DACH2: variants seen among roughly 807,000 people sequenced by gnomAD.
DACH2 encodes the protein dachshund family transcription factor 2.
DACH2 carries 17 observed loss-of-function variants against 35.8 expected under a neutral mutation model. The ratio of observed to expected loss-of-function variants is 0.48; its 90% CI spans 0.33 to 0.71. The LOEUF is 0.71. Ranked by LOEUF, DACH2 falls within the 30% of genes least tolerant of loss-of-function variation. The probability of loss-of-function intolerance (pLI) is 0.02; values close to 1 mark genes in which losing one functional copy is unlikely to be tolerated. For synonymous variants in DACH2, 195 were observed against 177.3 expected, an observed-to-expected ratio of 1.10 and a Z score of -0.79; for missense variants, 469 against 472.7, an observed-to-expected ratio of 0.99 and a Z score of 0.07.
chrX:86,414,373 C>T (rs941517947), intron 2 of DACH2, among the ~76,000 whole-genome samples: 3 of 111,673 alleles, frequency 2.7e-5, no homozygotes, highest in Admixed American at 1.9e-4. Flanking sequence ...CCTCTGCTGT[C>T]CATTATGGTT....
chrX:86,426,912 C>G (rs1479360274), intron 2 of DACH2, among the ~76,000 whole-genome samples: 1 of 112,284 alleles, frequency 8.9e-6, no homozygotes, highest in African/African-American at 3.2e-5. Flanking sequence ...TTAAAACCCT[C>G]TAGAAAAGCT....
chrX:86,782,309 A>G (rs1297649211), intron 7 of DACH2, among the ~76,000 whole-genome samples: 1 of 111,980 alleles, frequency 8.9e-6, no homozygotes, highest in African/African-American at 3.2e-5. Flanking sequence ...AATACCAATG[A>G]CATTGTTCAC....
At chrX:86,606,297 G>GT (rs762788401) in intron 3 of DACH2, among the ~76,000 whole-genome samples, 18,833 of 101,917 alleles carry the variant, frequency 0.18, 1,413 homozygotes, top group South Asian at 0.35. Context: ...TTTATTTGAA[G>GT]TTTTTTTTTT....
intron 7 of DACH2, among the ~76,000 whole-genome samples, chrX:86,740,509 C>G (rs1346046472): frequency 1.3e-5 from 1 of 74,228 alleles, no homozygotes; most frequent in African/African-American, 5.0e-5. Flanking sequence ...CCCCCTCCCC[C>G]CACCCCACAA....
rs1206976186 is a variant in DACH2 at position 86,319,730 on chromosome X, C to T, written c.489-57094C>T. 4.5e-5 allele frequency among the ~76,000 whole-genome samples: 5 copies of T among 111,988 alleles called. No individual in the cohort carries two copies. In the East Asian group the frequency reaches 8.4e-4, roughly 19 times the overall value. On this transcript the variant is annotated intron_variant, in intron 1 of 11. Transcript: ENST00000373125. ...TTTTTATTTTTAAAGATTAAAGTTC[C>T]GTGAACTGAAAGGTACCACAGCTTT... is the stretch of plus-strand genomic sequence containing the variant.
At chrX:86,388,869 A>G (rs958808376) in intron 2 of DACH2, among the ~76,000 whole-genome samples, 4 of 111,664 alleles carry the variant, frequency 3.6e-5, no homozygotes, top group Non-Finnish European at 7.5e-5. Flanking sequence ...GAAATTCTCT[A>G]ATGATAGTTA....
At chrX:86,213,929 A>G (rs1425405003) in intron 1 of DACH2, among the ~76,000 whole-genome samples, 1 of 111,128 alleles carries the variant, frequency 9.0e-6, no homozygotes, top group Non-Finnish European at 1.9e-5. Context: ...ATTCTTAAGA[A>G]TTGTGTATAG....
intron 3 of DACH2, among the ~76,000 whole-genome samples, chrX:86,628,337 T>C (rs1325449422): frequency 1.8e-5 from 2 of 112,070 alleles, no homozygotes; most frequent in Non-Finnish European, 3.8e-5. Context: ...GAACCTCATT[T>C]TAAAGACATG....
intron 3 of DACH2, among the ~76,000 whole-genome samples, chrX:86,605,224 C>A (rs915970246): frequency 9.0e-6 from 1 of 111,308 alleles, no homozygotes; most frequent in Non-Finnish European, 1.9e-5. Flanking sequence ...CTTTTCATTT[C>A]TTTGTTTACA....
At chrX:86,661,341 C>G (rs887050327) in intron 4 of DACH2, among the ~76,000 whole-genome samples, 1 of 112,308 alleles carries the variant, frequency 8.9e-6, no homozygotes, top group East Asian at 2.8e-4. Context: ...TCTCTGCATC[C>G]GCAAAGAACC....
At chrX:86,753,577 T>C (rs2041797104) in intron 7 of DACH2, among the ~76,000 whole-genome samples, 1 of 111,238 alleles carries the variant, frequency 9.0e-6, no homozygotes, top group African/African-American at 3.3e-5. Flanking sequence ...TGCACGGTTT[T>C]ATCCGGATCA....
chrX:86,667,049 C>G (rs1367186685), intron 4 of DACH2, among the ~76,000 whole-genome samples: 1 of 93,847 alleles, frequency 1.1e-5, no homozygotes, highest in Non-Finnish European at 2.1e-5. Context: ...AGTTCCAGAC[C>G]AGCCTAGCCA....
At chrX:86,246,795 A>C (rs2033293405) in intron 1 of DACH2, among the ~76,000 whole-genome samples, 1 of 111,660 alleles carries the variant, frequency 9.0e-6, no homozygotes, top group African/African-American at 3.3e-5. Context: ...ACAACCAGAT[A>C]ACAGTGTGAT....
At chrX:86,309,971 A>G (rs1291577466) in intron 1 of DACH2, among the ~76,000 whole-genome samples, 2 of 112,341 alleles carry the variant, frequency 1.8e-5, no homozygotes, top group Non-Finnish European at 3.8e-5. Context: ...ATGGTGCTTG[A>G]GGTTTCAGTG....
rs1324926237 is a variant in DACH2 at position 86,632,073 on chromosome X, G to A, written c.641-18963G>A. On this transcript the variant is annotated intron_variant, in intron 3 of 11. Transcript: ENST00000373125. Reference sequence around the variant, plus strand: ...CCATTTTGCACATGAATAAACTGAAGTCCAGAAAAGTTATATGATGCAATT... The same window carrying A: ...CCATTTTGCACATGAATAAACTGAAATCCAGAAAAGTTATATGATGCAATT... 1.1e-4 allele frequency among the ~76,000 whole-genome samples: 12 copies of A among 111,758 alleles called. No individual in the cohort carries two copies. The Admixed American group carries it at 1.1e-3, about 11-fold the overall frequency.
At chrX:86,167,048 G>C (rs2030966733) in intron 1 of DACH2, among the ~76,000 whole-genome samples, 1 of 111,160 alleles carries the variant, frequency 9.0e-6, no homozygotes, top group South Asian at 3.7e-4. Flanking sequence ...GTCTGGTTTT[G>C]GTATCAGGTT....
intron 1 of DACH2, among the ~76,000 whole-genome samples, chrX:86,264,631 A>G (rs1280182668): frequency 8.9e-6 from 1 of 111,898 alleles, no homozygotes; most frequent in Non-Finnish European, 1.9e-5. Context: ...TAAAAACCTA[A>G]AGATGTTACG....
intron 3 of DACH2, among the ~76,000 whole-genome samples, chrX:86,567,767 T>C (rs1322581382): frequency 9.0e-6 from 1 of 111,188 alleles, no homozygotes; most frequent in Admixed American, 9.6e-5. Flanking sequence ...GGGTTGGTCA[T>C]TGTGGCTGAG....
At chrX:86,538,036 C>T (rs1201651942) in intron 3 of DACH2, among the ~76,000 whole-genome samples, 2 of 110,869 alleles carry the variant, frequency 1.8e-5, no homozygotes, top group Admixed American at 1.9e-4. Context: ...ACCCCTATCT[C>T]CCTTTGCTGA....
Sources: allele counts gnomAD v4.1 joint callset (sites outside exome capture counted in the v4.1 genomes callset), GRCh38; gene constraint gnomAD v4.1.1; transcripts MANE v1.5; gene names NCBI Gene and HGNC (gene_info 2026-07-23, HGNC 2026-07-21).